Variants in TNRC6B observed in about 807,000 individuals in gnomAD.
TNRC6B encodes trinucleotide repeat-containing gene 6B protein.
TNRC6B carries 52 observed loss-of-function variants against 203.6 expected under a neutral mutation model. That is an observed-to-expected ratio of 0.26 (90% CI 0.20 to 0.32). The LOEUF (loss-of-function observed/expected upper bound fraction) is 0.32, where lower values mean the gene tolerates loss of function less well. Among genes scored for constraint, TNRC6B ranks in the 10% least tolerant of loss-of-function variants. The probability of loss-of-function intolerance (pLI) is 1.00; values close to 1 mark genes in which losing one functional copy is unlikely to be tolerated. For synonymous variants in TNRC6B, 838 were observed against 845.7 expected (o/e 0.99, Z 0.16); for missense variants, 1,923 against 2,286.2 (o/e 0.84, Z 3.24).
chr22:40,045,200 G>T (rs1255771979), intron 1 of TNRC6B, among the ~76,000 whole-genome samples: 2 of 145,234 alleles, frequency 1.4e-5, no homozygotes, highest in Non-Finnish European at 1.5e-5. Flanking sequence ...GCGTGAGCGC[G>T]CGCGGGGCTG....
Position 40,312,548 on chromosome 22 carries a change from C to A in TNRC6B, c.4479C>A (p.Asp1493Glu). Reference sequence around the variant, plus strand: ...CATGGAAAGGTATCCAAAACATTGACCCTGAATCTGACCCCTATGTCACCC... The same window carrying A: ...CATGGAAAGGTATCCAAAACATTGAACCTGAATCTGACCCCTATGTCACCC... ...GVPWKGIQNI[D>E]PESDPYVTPG... is the part of the protein sequence containing the mutation. The change falls in exon 18 of 23, where the codon GAC becomes GAA. Residue 1493 changes from aspartate to glutamate, a missense_variant. Coordinates refer to ENST00000454349, the MANE Select transcript of TNRC6B (RefSeq NM_001162501.2). The A allele has an allele frequency of 6.2e-7, 1 of 1,613,962 alleles. No homozygotes were observed. Among genetic ancestry groups the A allele is most frequent in the Non-Finnish European group, 8.5e-7 (1 of 1,179,982 alleles).
intron 3 of TNRC6B, among the ~76,000 whole-genome samples, chr22:40,134,918 G>T (rs6001795): frequency 6.6e-6 from 1 of 151,918 alleles, no homozygotes; most frequent in Non-Finnish European, 1.5e-5. Context: ...TCATAATTCT[G>T]TGTTTTCCTG....
intron 9 of TNRC6B, 68 bp from the exon 10 acceptor site, chr22:40,279,927 G>C: frequency 6.9e-7 from 1 of 1,447,072 alleles, no homozygotes. Context: ...TAGTGGGGCA[G>C]GTCACTCTTG....
rs1056246022 is a variant in TNRC6B at position 40,308,406 on chromosome 22, C to T, written c.4121-106C>T. On this transcript the variant is annotated intron_variant, in intron 15 of 22. Coordinates refer to ENST00000454349, the MANE Select transcript of TNRC6B (RefSeq NM_001162501.2). ...ATACCTGTTTCTGAGTGGAGAAACTCTGTGAATTAGTCTTTGAATGACACT... is the reference window on the plus strand; with the variant it reads ...ATACCTGTTTCTGAGTGGAGAAACTTTGTGAATTAGTCTTTGAATGACACT... 7 of 1,306,468 alleles carry T rather than the reference C, an allele frequency of 5.4e-6. No homozygotes were observed. In the African/African-American group the frequency reaches 7.3e-5, roughly 14 times the overall value. 80.9% of individuals were successfully genotyped at this position (1,306,468 alleles called of 1,614,324 possible).
chr22:40,127,765 G>C (rs936565962), intron 3 of TNRC6B, among the ~76,000 whole-genome samples: 50 of 152,266 alleles, frequency 3.3e-4, no homozygotes, highest in African/African-American at 1.2e-3. Flanking sequence ...AGCTACTCAG[G>C]AGGCTGAGGT....
intron 4 of TNRC6B, among the ~76,000 whole-genome samples, chr22:40,159,951 A>G (rs2068856990): frequency 6.6e-6 from 1 of 151,942 alleles, no homozygotes; most frequent in Non-Finnish European, 1.5e-5. Context: ...GCCTGGGACT[A>G]CAGGTACATA....
At chr22:40,314,103 T>A (rs567269582) in intron 19 of TNRC6B, among the ~76,000 whole-genome samples, 4 of 152,330 alleles carry the variant, frequency 2.6e-5, no homozygotes, top group African/African-American at 9.6e-5. Flanking sequence ...GAACTATGTG[T>A]CTTTTTCCAA....
chr22:40,258,989 G>T (rs996570417), intron 3 of TNRC6B, among the ~76,000 whole-genome samples: 3 of 152,162 alleles, frequency 2.0e-5, no homozygotes, highest in Non-Finnish European at 4.4e-5. Context: ...TAGCAGGGCA[G>T]CCTTACAGAA....
intron 3 of TNRC6B, among the ~76,000 whole-genome samples, chr22:40,149,451 G>A (rs956336540): frequency 6.6e-6 from 1 of 152,034 alleles, no homozygotes; most frequent in Non-Finnish European, 1.5e-5. Context: ...GGCAAATCAC[G>A]AGGTCAGGAG....
rs1324308023 is a variant in TNRC6B at position 40,334,618 on chromosome 22, C to G, written c.*11377C>G. ...GGAGATATAAATGCTGCTTTGGGTT[C>G]CATAATCCTAGGGGGCTATGTTTAC... On this transcript the variant is annotated 3_prime_UTR_variant, in exon 23 of 23. Transcript: ENST00000454349. 1 of 152,566 alleles carries G rather than the reference C, an allele frequency of 6.6e-6. No individual in the cohort carries two copies. The highest frequency in any genetic ancestry group is 6.5e-5 in the Admixed American group (1 of 15,270). 9.5% of individuals were successfully genotyped at this position (152,566 alleles called of 1,614,324 possible).
intron 1 of TNRC6B, among the ~76,000 whole-genome samples, chr22:40,198,598 A>T (rs748545247): frequency 6.6e-6 from 1 of 151,996 alleles, no homozygotes; most frequent in Non-Finnish European, 1.5e-5. Flanking sequence ...GGATTGATGA[A>T]ATAAGTATGT....
intron 7 of TNRC6B, among the ~76,000 whole-genome samples, chr22:40,275,628 A>T (rs1207876796): frequency 6.6e-6 from 1 of 152,018 alleles, no homozygotes; most frequent in Non-Finnish European, 1.5e-5. Context: ...GTAACTCCCC[A>T]TTCCCCCCTC....
chr22:40,242,994 G>A (rs922509679), intron 1 of TNRC6B, among the ~76,000 whole-genome samples: 35 of 151,894 alleles, frequency 2.3e-4, no homozygotes, highest in African/African-American at 8.2e-4. Flanking sequence ...TCAGCCTCTC[G>A]AGTAGCTGAG....
intron 1 of TNRC6B, among the ~76,000 whole-genome samples, chr22:40,243,688 G>A (rs1339512314): frequency 2.6e-5 from 4 of 151,978 alleles, no homozygotes; most frequent in African/African-American, 7.3e-5. Context: ...AGGTTCAAGC[G>A]ATTTTCCCGC....
chr22:40,213,168 T>C (rs117679540), intron 1 of TNRC6B, among the ~76,000 whole-genome samples: 535 of 152,316 alleles, frequency 3.5e-3, no homozygotes, highest in Non-Finnish European at 5.8e-3. Context: ...AATAAACTTG[T>C]GGGAAAACTG....
rs2071438052 is a variant in TNRC6B, at chr22:40,329,184, A to AT, written c.*5944dup. ...TTCAGACCTCATGGTCGTTAAGAAA[A>AT]TAGGGAACTCACAAACCCTGCTGCG... On this transcript the variant is annotated 3_prime_UTR_variant, in exon 23 of 23. Transcript: ENST00000454349. 1 of 152,250 alleles carries AT rather than the reference A, an allele frequency of 6.6e-6. No homozygotes were observed. Among genetic ancestry groups the AT allele is most frequent in the Admixed American group, 6.5e-5 (1 of 15,282 alleles). 9.4% of individuals were successfully genotyped at this position (152,250 alleles called of 1,614,324 possible).
intron 1 of TNRC6B, among the ~76,000 whole-genome samples, chr22:40,242,122 G>T (rs952700342): frequency 1.9e-4 from 29 of 152,004 alleles, no homozygotes; most frequent in Admixed American, 1.3e-3. Context: ...TGTGTTCATT[G>T]TTATTTGGAT....
intron 1 of TNRC6B, among the ~76,000 whole-genome samples, chr22:40,055,321 G>C (rs879406520): frequency 5.9e-5 from 9 of 152,160 alleles, no homozygotes; most frequent in Middle Eastern, 3.2e-3. Context: ...AGCCTTCCCA[G>C]GGAAGGTGAC....
intron 1 of TNRC6B, among the ~76,000 whole-genome samples, chr22:40,237,658 C>T (rs750934611): frequency 6.6e-5 from 10 of 152,100 alleles, no homozygotes; most frequent in Non-Finnish European, 1.3e-4. Context: ...ACACCCAGCA[C>T]TTACTTTCCC....
Sources: allele counts gnomAD v4.1 joint callset (sites outside exome capture counted in the v4.1 genomes callset), GRCh38; gene constraint gnomAD v4.1.1; transcripts MANE v1.5; gene names NCBI Gene and HGNC (gene_info 2026-07-23, HGNC 2026-07-21).